DNER: variants seen among roughly 807,000 people sequenced by gnomAD.
DNER encodes the protein delta and Notch-like epidermal growth factor-related receptor.
DNER carries 33 observed loss-of-function variants against 78.2 expected under a neutral mutation model. The ratio of observed to expected loss-of-function variants is 0.42; its 90% CI spans 0.32 to 0.56. The LOEUF is 0.56. Ranked by LOEUF, DNER falls within the 20% of genes least tolerant of loss-of-function variation. The pLI, the probability that DNER is intolerant of heterozygous loss-of-function variation, is 0.11. For missense variants in DNER, 918 were observed against 975.3 expected, an observed-to-expected ratio of 0.94 and a Z score of 0.78; for synonymous variants, 417 against 384.8, an observed-to-expected ratio of 1.08 and a Z score of -0.98.
chr2:229,560,969 A>C (rs998277425), intron 4 of DNER, among the ~76,000 whole-genome samples: 8 of 152,188 alleles, frequency 5.3e-5, no homozygotes, highest in African/African-American at 1.9e-4. Flanking sequence ...TTGCCTGGTC[A>C]CACCAACTAT....
chr2:229,432,354 G>A (rs774894091), intron 8 of DNER, among the ~76,000 whole-genome samples: 35 of 152,088 alleles, frequency 2.3e-4, no homozygotes, highest in Non-Finnish European at 4.6e-4. Context: ...GGGTGCTGGG[G>A]CCAGCAAAGG....
chr2:229,707,406 G>T (rs1288798287), intron 1 of DNER, among the ~76,000 whole-genome samples: 1 of 152,188 alleles, frequency 6.6e-6, no homozygotes, highest in East Asian at 1.9e-4. Flanking sequence ...AGCATTTATT[G>T]AAAAATATTC....
chr2:229,544,382 C>A (rs909347628), intron 5 of DNER, among the ~76,000 whole-genome samples: 2 of 152,122 alleles, frequency 1.3e-5, no homozygotes, highest in African/African-American at 4.8e-5. Context: ...GCTTCAGTTT[C>A]CATTTGTGTT....
At position 229,714,440 on chromosome 2, in the gene DNER, G is replaced by T; in HGVS notation, c.-17C>A. 8.9e-7 allele frequency: 1 copy of T among 1,122,404 alleles called. No individual in the cohort carries two copies. 69.5% of individuals were successfully genotyped at this position (1,122,404 alleles called of 1,614,324 possible). ...GGGCTGCATGGCCGGCCGGGAGGGC[G>T]CGGGAGCCGGAGCCAGGACGCAGTG... is the stretch of plus-strand genomic sequence containing the variant. On this transcript the variant is annotated 5_prime_UTR_variant, in exon 1 of 13. Transcript: ENST00000341772.
chr2:229,379,609 T>C (rs1167659918), intron 11 of DNER, among the ~76,000 whole-genome samples: 1 of 152,170 alleles, frequency 6.6e-6, no homozygotes, highest in Non-Finnish European at 1.5e-5. Context: ...TCTTCATGAA[T>C]CCCATTTTAA....
At chr2:229,663,146 G>C (rs1236744274) in intron 1 of DNER, among the ~76,000 whole-genome samples, 1 of 152,026 alleles carries the variant, frequency 6.6e-6, no homozygotes, top group Admixed American at 6.6e-5. Flanking sequence ...CTTTGATCTA[G>C]GAAAAATGCA....
Position 229,407,362 on chromosome 2 carries a change from A to G in DNER, c.1610-17T>C. ...AGTGTGTTCCTGCAGAGAAACAAGCAAAACAGGATGACTCATCCAGGACTC... is the reference window on the plus strand; with the variant it reads ...AGTGTGTTCCTGCAGAGAAACAAGCGAAACAGGATGACTCATCCAGGACTC... On this transcript the variant is annotated splice_polypyrimidine_tract_variant and intron_variant, in intron 9 of 12. Transcript: ENST00000341772. 6.2e-7 allele frequency: 1 copy of G among 1,607,742 alleles called. No individual in the cohort carries two copies. Among genetic ancestry groups the G allele is most frequent in the Non-Finnish European group, 8.5e-7 (1 of 1,174,832 alleles).
chr2:229,511,971 A>G (rs1695870744), intron 6 of DNER, among the ~76,000 whole-genome samples: 1 of 152,244 alleles, frequency 6.6e-6, no homozygotes, highest in African/African-American at 2.4e-5. Context: ...TTGTTTAACC[A>G]TGCTTGACTA....
chr2:229,602,905 C>T (rs970763774), intron 1 of DNER, among the ~76,000 whole-genome samples: 2 of 152,162 alleles, frequency 1.3e-5, no homozygotes, highest in African/African-American at 2.4e-5. Context: ...TGTAAAATGG[C>T]CCACGATAGC....
intron 5 of DNER, among the ~76,000 whole-genome samples, chr2:229,524,997 C>T (rs1696180571): frequency 6.6e-6 from 1 of 152,258 alleles, no homozygotes; most frequent in South Asian, 2.1e-4. Context: ...ACAAGGCTGC[C>T]GTCTCCATGC....
chr2:229,658,938 C>G (rs1698958973), intron 1 of DNER, among the ~76,000 whole-genome samples: 1 of 152,072 alleles, frequency 6.6e-6, no homozygotes, highest in African/African-American at 2.4e-5. Flanking sequence ...ACAAAATTAG[C>G]CAGGTTTCTA....
rs187718625 is a variant in DNER, at chr2:229,685,820, C to T, written c.276+28328G>A. Among the ~76,000 whole-genome samples, 18 of 152,168 alleles carry T rather than the reference C, an allele frequency of 1.2e-4. No individual in the cohort carries two copies. In the South Asian group the frequency reaches 3.3e-3, roughly 28 times the overall value. On this transcript the variant is annotated intron_variant, in intron 1 of 12. Coordinates refer to ENST00000341772, the MANE Select transcript of DNER (RefSeq NM_139072.4). ...TGTCACGGTGTGGACAGATAGCAAA[C>T]GAGTAAACACATCAATGTAAGTCAC...
chr2:229,580,949 A>T (rs550234450), intron 4 of DNER, among the ~76,000 whole-genome samples: 1 of 152,152 alleles, frequency 6.6e-6, no homozygotes, highest in African/African-American at 2.4e-5. Context: ...AAATGAGCTA[A>T]GTTTGGGGGT....
intron 6 of DNER, among the ~76,000 whole-genome samples, chr2:229,510,042 GC>G (rs975286155): frequency 6.9e-4 from 105 of 152,216 alleles, no homozygotes; most frequent in African/African-American, 2.1e-3. Flanking sequence ...AGTTACCCAA[GC>G]AAAAAGGAGA....
chr2:229,441,901 A>C (rs1694243582), intron 8 of DNER, among the ~76,000 whole-genome samples: 1 of 152,150 alleles, frequency 6.6e-6, no homozygotes, highest in Admixed American at 6.5e-5. Context: ...CAAGCTCCTG[A>C]CATCAGCGGC....
chr2:229,689,190 T>C (rs1316865756), intron 1 of DNER, among the ~76,000 whole-genome samples: 3 of 152,132 alleles, frequency 2.0e-5, no homozygotes, highest in Non-Finnish European at 2.9e-5. Flanking sequence ...TGCCTATACG[T>C]TTAGCCTATG....
intron 1 of DNER, among the ~76,000 whole-genome samples, chr2:229,690,147 T>C (rs963770462): frequency 6.6e-6 from 1 of 152,190 alleles, no homozygotes; most frequent in Non-Finnish European, 1.5e-5. Flanking sequence ...TTCCTTTTGT[T>C]AATATTCTGC....
In DNER at chr2:229,654,149, G is replaced by A. The variant is rs1345818413; in HGVS notation, c.276+59999C>T. 5.3e-5 allele frequency among the ~76,000 whole-genome samples: 8 copies of A among 150,304 alleles called. No individual in the cohort carries two copies. The East Asian group carries it at 1.6e-3, about 30-fold the overall frequency. On this transcript the variant is annotated intron_variant, in intron 1 of 12. Coordinates refer to ENST00000341772, the MANE Select transcript of DNER (RefSeq NM_139072.4). ...CCCACCACATGCCCCGGTGTGTGAT[G>A]TTCCCCACCCTGTGTCCAAGTGTTC...
intron 11 of DNER, among the ~76,000 whole-genome samples, chr2:229,367,823 C>T (rs1288550147): frequency 1.3e-5 from 2 of 152,190 alleles, no homozygotes; most frequent in Non-Finnish European, 2.9e-5. Context: ...TACTAATTAG[C>T]ATATGCTCTG....
Sources: gnomAD v4.1 joint callset for allele counts (sites outside exome capture counted in the v4.1 genomes callset) on GRCh38, gnomAD v4.1.1 for gene constraint, MANE v1.5 for transcripts, NCBI Gene and HGNC (gene_info 2026-07-23, HGNC 2026-07-21) for gene names.